CNOT1: variants seen among roughly 807,000 people sequenced by gnomAD.
CNOT1 encodes the protein CCR4-NOT transcription complex subunit 1.
Under a neutral mutation model 273.8 loss-of-function variants are expected in CNOT1, and 15 were observed. That is an observed-to-expected ratio of 0.05 (90% CI 0.04 to 0.08). The LOEUF (loss-of-function observed/expected upper bound fraction) is 0.08, where lower values mean the gene tolerates loss of function less well. Ranked by LOEUF, CNOT1 falls within the 10% of genes least tolerant of loss-of-function variation. The pLI, the probability that CNOT1 is intolerant of heterozygous loss-of-function variation, is 1.00. For missense variants in CNOT1, 1,644 were observed against 2,912.2 expected, an observed-to-expected ratio of 0.56 and a Z score of 10.02; for synonymous variants, 1,022 against 1,005.5, an observed-to-expected ratio of 1.02 and a Z score of -0.31.
chr16:58,609,903 A>T (rs1390823897), intron 1 of CNOT1, among the ~76,000 whole-genome samples: 1 of 151,254 alleles, frequency 6.6e-6, no homozygotes, highest in Admixed American at 6.6e-5. Flanking sequence ...ATACATTAAC[A>T]TGTTACTAAC....
chr16:58,524,499 A>G (rs2039518420), intron 46 of CNOT1, among the ~76,000 whole-genome samples: 1 of 152,006 alleles, frequency 6.6e-6, no homozygotes, highest in Non-Finnish European at 1.5e-5. Flanking sequence ...CAATTTTGTT[A>G]TATCTTGAAT....
chr16:58,543,035 G>A, intron 31 of CNOT1: 1 of 1,059,682 alleles, frequency 9.4e-7, no homozygotes, highest in South Asian at 2.2e-5. Flanking sequence ...GGAGGATGCA[G>A]TGAGCCAAGA....
chr16:58,623,594 G>A (rs2043438778), intron 1 of CNOT1, among the ~76,000 whole-genome samples: 1 of 152,188 alleles, frequency 6.6e-6, no homozygotes, highest in African/African-American at 2.4e-5. Context: ...CTTCCAGATA[G>A]CTGAGGCACA....
At position 58,546,627 on chromosome 16, in the gene CNOT1, G is replaced by A. The variant is rs745633543; in HGVS notation, c.3828+45C>T. 1.1e-5 allele frequency: 17 copies of A among 1,613,192 alleles called. 1 individual carries two copies. Among genetic ancestry groups the A allele is most frequent in the East Asian group, 4.5e-5 (2 of 44,854 alleles). On this transcript the variant is annotated intron_variant, in intron 28 of 48. Transcript: ENST00000317147. Reference sequence around the variant, plus strand: ...TGCCTTCACTGTAAGTTTTAATAATGTGAAGGCAAAGAATGTTCCAGAGGA... The same window carrying A: ...TGCCTTCACTGTAAGTTTTAATAATATGAAGGCAAAGAATGTTCCAGAGGA...
At chr16:58,538,709 A>G (rs2039991371) in intron 36 of CNOT1, 63 bp downstream of exon 36, 1 of 1,599,426 alleles carries the variant, frequency 6.3e-7, no homozygotes, top group South Asian at 1.1e-5. Context: ...CATAAACAGT[A>G]CTATCTATGT....
At chr16:58,603,214 G>C (rs919758517) in intron 1 of CNOT1, among the ~76,000 whole-genome samples, 1 of 152,092 alleles carries the variant, frequency 6.6e-6, no homozygotes, top group Non-Finnish European at 1.5e-5. Context: ...ATAATGTCCA[G>C]AGAAAAATAA....
intron 8 of CNOT1, among the ~76,000 whole-genome samples, chr16:58,583,419 T>C (rs1024731575): frequency 1.3e-5 from 2 of 152,154 alleles, no homozygotes; most frequent in South Asian, 4.1e-4. Flanking sequence ...AACCAAATAT[T>C]GTATGTTCTC....
Position 58,587,192 on chromosome 16 carries a change from G to GT in CNOT1, c.433+8dup. ...TCACTTCGTGATATTTTTGGAAAAA[G>GT]TAACTCACCGAAACCTCTAAGATCT... On this transcript the variant is annotated intron_variant, in intron 6 of 48. Transcript: ENST00000317147. The GT allele has an allele frequency of 1.9e-6, 3 of 1,608,970 alleles. No homozygotes were observed. The highest frequency in any genetic ancestry group is 2.5e-6 in the Non-Finnish European group (3 of 1,178,798).
intron 31 of CNOT1, chr16:58,543,113 C>CA (rs1162855318): frequency 1.6e-5 from 20 of 1,282,520 alleles, no homozygotes; most frequent in Non-Finnish European, 1.9e-5. Flanking sequence ...AAAAAAAAGG[C>CA]AAAAAACAAC....
At chr16:58,611,653 T>C (rs767923584) in intron 1 of CNOT1, among the ~76,000 whole-genome samples, 33 of 151,642 alleles carry the variant, frequency 2.2e-4, no homozygotes, top group Admixed American at 7.2e-4. Context: ...AAACCTTGTC[T>C]CTACTAAAAA....
At chr16:58,564,423 T>C (rs2040967204) in intron 16 of CNOT1, among the ~76,000 whole-genome samples, 1 of 152,160 alleles carries the variant, frequency 6.6e-6, no homozygotes, top group Non-Finnish European at 1.5e-5. Flanking sequence ...ATGGTAATTA[T>C]ATTATACTGC....
intron 40 of CNOT1, 62 bp from the exon 41 acceptor site, chr16:58,532,457 T>C: frequency 6.4e-7 from 1 of 1,569,798 alleles, no homozygotes; most frequent in Non-Finnish European, 8.6e-7. Flanking sequence ...CACTTCGATG[T>C]CATGCTTTTT....
chr16:58,553,637 T>C, intron 22 of CNOT1, 145 bp downstream of exon 22: 1 of 1,023,726 alleles, frequency 9.8e-7, no homozygotes, highest in Non-Finnish European at 1.3e-6. Context: ...ATGAGCAACC[T>C]CAACAAAAGA....
intron 36 of CNOT1, 131 bp downstream of exon 36, chr16:58,538,641 C>T: frequency 7.4e-7 from 1 of 1,354,116 alleles, no homozygotes; most frequent in Non-Finnish European, 9.9e-7. Flanking sequence ...TCTCACCTCT[C>T]AGAAGTAGGA....
chr16:58,600,869 G>A (rs893307456), intron 1 of CNOT1, among the ~76,000 whole-genome samples: 3 of 152,242 alleles, frequency 2.0e-5, no homozygotes, highest in East Asian at 1.9e-4. Context: ...GGAGGATGAG[G>A]TGGGAGATGG....
rs185129887 is a variant in CNOT1 at position 58,542,408 on chromosome 16, G to T, written c.4575+20C>A. 46 of 1,613,256 alleles carry T rather than the reference G, an allele frequency of 2.9e-5. No individual in the cohort carries two copies. Among genetic ancestry groups the T allele is most frequent in the African/African-American group, 4.0e-5 (3 of 74,850 alleles). ...TAAATTAAAAAAGAAAATCTTAAAA[G>T]GCAAATTCTAAACACTTACAGTTGC... On this transcript the variant is annotated intron_variant, in intron 32 of 48. Transcript: ENST00000317147.
intron 22 of CNOT1, among the ~76,000 whole-genome samples, chr16:58,552,584 T>C (rs2040488930): frequency 6.6e-6 from 1 of 152,138 alleles, no homozygotes; most frequent in South Asian, 2.1e-4. Context: ...ATCCACTCAC[T>C]TGAATGAATA....
In CNOT1 at chr16:58,528,301, T is replaced by TATATACACC. The variant is rs767880246; in HGVS notation, c.6453+173_6453+174insGGTGTATAT. ...AACCAATATTCACCAGCAACAGCAA[T>TATATACACC]AGCAACAATATCATACCTTCTATCA... On this transcript the variant is annotated intron_variant, in intron 44 of 48. Coordinates refer to ENST00000317147, the MANE Select transcript of CNOT1 (RefSeq NM_016284.5). The TATATACACC allele has an allele frequency of 2.8e-5, 18 of 633,182 alleles. No individual in the cohort carries two copies. The South Asian group carries it at 3.3e-4, about 12-fold the overall frequency. 39.2% of individuals were successfully genotyped at this position (633,182 alleles called of 1,614,324 possible).
At chr16:58,522,555 AGTGTGT>A (rs10701404) in intron 47 of CNOT1, among the ~76,000 whole-genome samples, 1 of 151,500 alleles carries the variant, frequency 6.6e-6, no homozygotes, top group Non-Finnish European at 1.5e-5. Context: ...CAATTTTTAA[AGTGTGT>A]GTGTGTGTGT....
Sources: allele counts gnomAD v4.1 joint callset (sites outside exome capture counted in the v4.1 genomes callset), GRCh38; gene constraint gnomAD v4.1.1; transcripts MANE v1.5; gene names NCBI Gene and HGNC (gene_info 2026-07-23, HGNC 2026-07-21).